The following CALN1 variants were observed in gnomAD, a reference collection of about 807,000 sequenced individuals.
CALN1 encodes the protein calcium-binding protein 8.
Under a neutral mutation model 30.6 loss-of-function variants are expected in CALN1, and 17 were observed. The observed-to-expected ratio is 0.56, with a 90% CI of 0.38 to 0.83. The LOEUF is 0.83. Among genes scored for constraint, CALN1 ranks in the 40% least tolerant of loss-of-function variants. The probability of loss-of-function intolerance (pLI) is 0.00; values close to 1 mark genes in which losing one functional copy is unlikely to be tolerated. For missense variants in CALN1, 291 were observed against 354.9 expected, an observed-to-expected ratio of 0.82 and a Z score of 1.45; for synonymous variants, 156 against 131.4, an observed-to-expected ratio of 1.19 and a Z score of -1.28.
intron 5 of CALN1, among the ~76,000 whole-genome samples, chr7:71,873,301 C>A (rs1041474933): frequency 6.6e-6 from 1 of 152,122 alleles, no homozygotes; most frequent in Non-Finnish European, 1.5e-5. Flanking sequence ...AGCCACCACG[C>A]CCAGCCGAAA....
intron 5 of CALN1, among the ~76,000 whole-genome samples, chr7:71,839,390 G>C (rs900875615): frequency 6.6e-6 from 1 of 152,084 alleles, no homozygotes; most frequent in Non-Finnish European, 1.5e-5. Context: ...AAAGTAGCTC[G>C]GCATGGTGGC....
chr7:72,414,769 G>A (rs905802975), upstream of CALN1, among the ~76,000 whole-genome samples: 1 of 152,180 alleles, frequency 6.6e-6, no homozygotes, highest in African/African-American at 2.4e-5. Flanking sequence ...TTTGTGACAT[G>A]CTTGGATGGC....
chr7:72,464,340 A>C, the CALN1 span, among the ~76,000 whole-genome samples: 36 of 152,322 alleles, frequency 2.4e-4, no homozygotes, highest in Non-Finnish European at 4.7e-4. Flanking sequence ...TTCTCCCTTC[A>C]TGTGGAACTA....
intron 3 of CALN1, among the ~76,000 whole-genome samples, chr7:72,273,939 C>T (rs1437587487): frequency 1.3e-5 from 2 of 151,688 alleles, no homozygotes; most frequent in Admixed American, 1.3e-4. Flanking sequence ...AAGTTTCATG[C>T]AAAAGAAAGT....
At position 72,072,421 on chromosome 7, in the gene CALN1, T is replaced by C. The variant is rs559467008; in HGVS notation, c.388+33730A>G. On this transcript the variant is annotated intron_variant, in intron 4 of 6. Coordinates refer to ENST00000395275, the MANE Select transcript of CALN1 (RefSeq NM_031468.4). Reference sequence around the variant, plus strand: ...AAGAATCCAATATCCAGCAAAACTGTCCTTCAAAAGTGAGGGAGAAATTAA... The same window carrying C: ...AAGAATCCAATATCCAGCAAAACTGCCCTTCAAAAGTGAGGGAGAAATTAA... 4.6e-5 allele frequency among the ~76,000 whole-genome samples: 7 copies of C among 152,326 alleles called. No individual in the cohort carries two copies. In the East Asian group the frequency reaches 1.3e-3, roughly 29 times the overall value.
intron 3 of CALN1, among the ~76,000 whole-genome samples, chr7:72,272,992 A>G (rs1797094802): frequency 6.6e-6 from 1 of 151,866 alleles, no homozygotes; most frequent in South Asian, 2.1e-4. Context: ...AAGAACAAAC[A>G]ACATAGATGG....
chr7:72,012,301 A>C (rs1277507153), intron 5 of CALN1, among the ~76,000 whole-genome samples: 1 of 152,140 alleles, frequency 6.6e-6, no homozygotes, highest in Admixed American at 6.5e-5. Flanking sequence ...GCGGATCATG[A>C]GGTCCTCTTG....
At chr7:72,454,745 A>G in the CALN1 span, among the ~76,000 whole-genome samples, 2 of 152,130 alleles carry the variant, frequency 1.3e-5, no homozygotes, top group African/African-American at 4.8e-5. Flanking sequence ...TATTTGTGCT[A>G]TCTTAGAAAT....
chr7:72,039,784 G>A (rs539729988), intron 4 of CALN1, among the ~76,000 whole-genome samples: 1 of 152,172 alleles, frequency 6.6e-6, no homozygotes, highest in Non-Finnish European at 1.5e-5. Flanking sequence ...CAAACCTCTG[G>A]GCTTCTGAAG....
intron 3 of CALN1, among the ~76,000 whole-genome samples, chr7:72,178,070 A>G (rs6953252): frequency 0.25 from 38,558 of 152,094 alleles, 5,955 homozygotes; most frequent in Non-Finnish European, 0.35. Flanking sequence ...AAGGATGAGG[A>G]AGGTGTGTTT....
chr7:71,976,098 T>C (rs1798089879), intron 5 of CALN1, among the ~76,000 whole-genome samples: 1 of 151,854 alleles, frequency 6.6e-6, no homozygotes, highest in South Asian at 2.1e-4. Context: ...AAGACAAACA[T>C]TTATTTCTGG....
intron 5 of CALN1, among the ~76,000 whole-genome samples, chr7:71,984,632 G>A (rs1205415705): frequency 1.3e-5 from 2 of 152,158 alleles, no homozygotes; most frequent in Non-Finnish European, 2.9e-5. Context: ...CATCACTGGA[G>A]GGGTACAGGA....
At chr7:72,130,870 T>C (rs1809094761) in intron 3 of CALN1, among the ~76,000 whole-genome samples, 1 of 134,338 alleles carries the variant, frequency 7.4e-6, no homozygotes, top group Admixed American at 7.9e-5. Context: ...CACATATTTT[T>C]CTTAGGTAAT....
intron 5 of CALN1, among the ~76,000 whole-genome samples, chr7:71,869,452 T>A (rs1014443169): frequency 6.6e-6 from 1 of 152,178 alleles, no homozygotes; most frequent in African/African-American, 2.4e-5. Flanking sequence ...CCTCAGGTGA[T>A]CTGCCTGCCT....
intron 2 of CALN1, among the ~76,000 whole-genome samples, chr7:72,295,461 C>T (rs1344953689): frequency 6.6e-6 from 1 of 151,744 alleles, no homozygotes; most frequent in African/African-American, 2.4e-5. Flanking sequence ...GGCAGTATGG[C>T]CATTTTCACG....
At chr7:72,310,075 A>T (rs1390435140) in intron 2 of CALN1, among the ~76,000 whole-genome samples, 1 of 152,030 alleles carries the variant, frequency 6.6e-6, no homozygotes, top group Non-Finnish European at 1.5e-5. Flanking sequence ...GCTGACTGTT[A>T]TAACGTCCTG....
intron 5 of CALN1, among the ~76,000 whole-genome samples, chr7:71,827,417 A>G (rs1026285785): frequency 2.6e-5 from 4 of 152,166 alleles, no homozygotes; most frequent in Non-Finnish European, 4.4e-5. Flanking sequence ...CATGATGCCT[A>G]TTTTACAGAT....
intron 3 of CALN1, among the ~76,000 whole-genome samples, chr7:72,205,568 G>GATATATATATATATA (rs1791799655): frequency 1.1e-5 from 1 of 91,810 alleles, no homozygotes; most frequent in African/African-American, 5.5e-5. Flanking sequence ...ATATATATAT[G>GATATATATATATATA]TATATATATA....
chr7:71,929,727 ATGT>A (rs1216051446), intron 5 of CALN1, among the ~76,000 whole-genome samples: 1 of 152,008 alleles, frequency 6.6e-6, no homozygotes, highest in African/African-American at 2.4e-5. Flanking sequence ...GTTTTTGTGG[ATGT>A]ATGTTTTTAT....
Sources: allele counts gnomAD v4.1 joint callset (sites outside exome capture counted in the v4.1 genomes callset), GRCh38; gene constraint gnomAD v4.1.1; transcripts MANE v1.5; gene names NCBI Gene and HGNC (gene_info 2026-07-23, HGNC 2026-07-21).